Variants in TUBGCP3 observed in about 807,000 individuals in gnomAD.
TUBGCP3 encodes tubulin gamma complex component 3.
Under a neutral mutation model 123.1 loss-of-function variants are expected in TUBGCP3, and 50 were observed. That is an observed-to-expected ratio of 0.41 (90% CI 0.32 to 0.51). TUBGCP3 has a LOEUF of 0.51. Ranked by LOEUF, TUBGCP3 falls within the 20% of genes least tolerant of loss-of-function variation. The pLI is 0.36. For synonymous variants in TUBGCP3, 405 were observed against 413.9 expected (o/e 0.98, Z 0.26); for missense variants, 882 against 1,127.0 (o/e 0.78, Z 3.11).
chr13:112,522,939 T>C (rs899767342), intron 13 of TUBGCP3, among the ~76,000 whole-genome samples: 3 of 152,200 alleles, frequency 2.0e-5, no homozygotes, highest in Non-Finnish European at 4.4e-5. Flanking sequence ...AGTAGTAGTA[T>C]CATGCACCAT....
intron 1 of TUBGCP3, among the ~76,000 whole-genome samples, chr13:112,584,989 A>G (rs1249027341): frequency 1.3e-5 from 2 of 152,198 alleles, no homozygotes; most frequent in Non-Finnish European, 2.9e-5. Flanking sequence ...CTAACTTTGT[A>G]AAACTGTCAA....
rs781374979 is a variant in TUBGCP3, at chr13:112,556,056, C to T, written c.717G>A (p.Thr239=). ...TTAACATAGATCCTTACTCACCACC[C>T]GTATCCCCTTCTCTCCTGGACCTTG... The part of the protein sequence containing the change: ...NMTRSRREGD[T]GGTMEITEAA... Residue 239 remains threonine, a synonymous_variant, in exon 6 of 22, where the codon ACG becomes ACA. Coordinates refer to ENST00000261965, the MANE Select transcript of TUBGCP3 (RefSeq NM_006322.6). The T allele has an allele frequency of 2.8e-5, 45 of 1,612,734 alleles. No individual in the cohort carries two copies. Among genetic ancestry groups the T allele is most frequent in the African/African-American group, 4.0e-5 (3 of 74,890 alleles).
At position 112,565,177 on chromosome 13, in the gene TUBGCP3, A is replaced by G; in HGVS notation, c.186T>C (p.Leu62=). Residue 62 remains leucine, a splice_region_variant and synonymous_variant, in exon 3 of 22, where the codon CTT becomes CTC. Coordinates refer to ENST00000261965, the MANE Select transcript of TUBGCP3 (RefSeq NM_006322.6). ...FLVAEKIKKE[L]IRQRREADAA... Reference sequence around the variant, plus strand: ...CATCTGCTTCTCTTCGTTGTCGAATAACTGAAAAGACAGAAAAAAAATAAG... The same window carrying G: ...CATCTGCTTCTCTTCGTTGTCGAATGACTGAAAAGACAGAAAAAAAATAAG... 1 of 1,612,296 alleles carries G rather than the reference A, an allele frequency of 6.2e-7. No homozygotes were observed. Among genetic ancestry groups the G allele is most frequent in the South Asian group, 1.1e-5 (1 of 90,930 alleles).
Position 112,550,013 on chromosome 13 carries a change from A to T in TUBGCP3, c.967-1837T>A, listed in dbSNP as rs1879425670. 2.0e-5 allele frequency among the ~76,000 whole-genome samples: 3 copies of T among 147,090 alleles called. No homozygotes were observed. The South Asian group carries it at 6.4e-4, about 31-fold the overall frequency. On this transcript the variant is annotated intron_variant, in intron 8 of 21. Transcript: ENST00000261965. Reference sequence around the variant, plus strand: ...TCAAAAAAAAAAAAAAAAAAAAAAAAAAATACTGAAAGGAGTCAGGTCAAA... The same window carrying T: ...TCAAAAAAAAAAAAAAAAAAAAAAATAAATACTGAAAGGAGTCAGGTCAAA...
the TUBGCP3 span, among the ~76,000 whole-genome samples, chr13:112,598,694 G>A: frequency 6.6e-6 from 1 of 151,996 alleles, no homozygotes; most frequent in African/African-American, 2.4e-5. Context: ...CCTGTAATCC[G>A]AGCACTTTGG....
chr13:112,549,338 G>C (rs1879352546), intron 8 of TUBGCP3, among the ~76,000 whole-genome samples: 2 of 151,288 alleles, frequency 1.3e-5, no homozygotes, highest in Non-Finnish European at 2.9e-5. Flanking sequence ...CTGTTGTGGG[G>C]TGGGGGGAGC....
At chr13:112,557,878 G>A (rs917804612) in intron 5 of TUBGCP3, among the ~76,000 whole-genome samples, 3 of 152,260 alleles carry the variant, frequency 2.0e-5, no homozygotes, top group African/African-American at 7.2e-5. Context: ...GGAAAAATCT[G>A]AGCACACAGT....
chr13:112,514,537 A>C (rs1875915153), intron 17 of TUBGCP3, among the ~76,000 whole-genome samples: 1 of 152,196 alleles, frequency 6.6e-6, no homozygotes, highest in Non-Finnish European at 1.5e-5. Context: ...ATAACATTTA[A>C]AAAGCATAAA....
intron 17 of TUBGCP3, among the ~76,000 whole-genome samples, chr13:112,510,627 G>A (rs1055499897): frequency 2.0e-5 from 3 of 152,184 alleles, no homozygotes; most frequent in East Asian, 3.9e-4. Context: ...GGCAGGTGCT[G>A]TTCCAAGTAC....
chr13:112,562,965 C>G (rs900980503), intron 3 of TUBGCP3, among the ~76,000 whole-genome samples: 4 of 152,228 alleles, frequency 2.6e-5, no homozygotes, highest in Non-Finnish European at 5.9e-5. Context: ...CATGCCGCCA[C>G]AGCACCTGCA....
At chr13:112,516,136 GACAAA>G (rs1329333070) in intron 17 of TUBGCP3, among the ~76,000 whole-genome samples, 1 of 152,042 alleles carries the variant, frequency 6.6e-6, no homozygotes, top group African/African-American at 2.4e-5. Flanking sequence ...CTGGTTTATG[GACAAA>G]ACAAAACATT....
At chr13:112,536,600 G>T (rs965372467) in intron 11 of TUBGCP3, among the ~76,000 whole-genome samples, 1 of 152,072 alleles carries the variant, frequency 6.6e-6, no homozygotes, top group Non-Finnish European at 1.5e-5. Flanking sequence ...ATTATTCATT[G>T]AAAGTATATG....
At chr13:112,602,776 G>A in the TUBGCP3 span, 84 of 152,294 alleles carry the variant, frequency 5.5e-4, no homozygotes, top group African/African-American at 1.7e-3. Flanking sequence ...ATTTACAGAT[G>A]AGTCTGTATA....
chr13:112,558,909 G>A (rs1880273711), intron 4 of TUBGCP3, among the ~76,000 whole-genome samples: 1 of 152,174 alleles, frequency 6.6e-6, no homozygotes, highest in Non-Finnish European at 1.5e-5. Context: ...ACATACTGCA[G>A]GGGACAGACA....
chr13:112,534,658 G>A (rs1028815524), intron 11 of TUBGCP3, among the ~76,000 whole-genome samples: 8 of 152,012 alleles, frequency 5.3e-5, no homozygotes, highest in African/African-American at 1.7e-4. Context: ...ACGCCATGGT[G>A]AACAGGAGCA....
chr13:112,530,885 A>G (rs73566366), intron 11 of TUBGCP3, among the ~76,000 whole-genome samples: 23,777 of 152,204 alleles, frequency 0.16, 2,674 homozygotes, highest in African/African-American at 0.32. Context: ...TTTTAACTTT[A>G]TCCTCTGTAT....
In TUBGCP3 at chr13:112,588,078, C is replaced by G. The variant is rs2139352806; in HGVS notation, c.-98G>C. On this transcript the variant is annotated 5_prime_UTR_variant, in exon 1 of 22. Coordinates refer to ENST00000261965, the MANE Select transcript of TUBGCP3 (RefSeq NM_006322.6). ...GCGCCCTTCCTGCGCCCCGCAAGCTCCCTGCTCCTGACAGGCTAAGGCGCG... is the reference window on the plus strand; with the variant it reads ...GCGCCCTTCCTGCGCCCCGCAAGCTGCCTGCTCCTGACAGGCTAAGGCGCG... 1 of 1,092,458 alleles carries G rather than the reference C, an allele frequency of 9.2e-7. No homozygotes were observed. Among genetic ancestry groups the G allele is most frequent in the Admixed American group, 4.1e-5 (1 of 24,412 alleles). The allele number at this position is 1,092,458 out of a possible 1,614,324, so 67.7% of individuals were successfully genotyped here. A position where few individuals can be genotyped will look rare whatever the true frequency, so the allele number is the denominator to read the frequency against.
At chr13:112,544,262 G>T (rs1398517686) in intron 11 of TUBGCP3, among the ~76,000 whole-genome samples, 1 of 151,922 alleles carries the variant, frequency 6.6e-6, no homozygotes, top group Non-Finnish European at 1.5e-5. Context: ...GACCATCCTG[G>T]CTAACACAGT....
At chr13:112,564,980 T>C (rs1880842639) in intron 3 of TUBGCP3, 131 bp downstream of exon 3, 3 of 689,606 alleles carry the variant, frequency 4.4e-6, no homozygotes, top group Non-Finnish European at 6.8e-6. Flanking sequence ...GCAAATGCTA[T>C]CTATAATTAA....
Sources: allele counts gnomAD v4.1 joint callset (sites outside exome capture counted in the v4.1 genomes callset), GRCh38; gene constraint gnomAD v4.1.1; transcripts MANE v1.5; gene names NCBI Gene and HGNC (gene_info 2026-07-23, HGNC 2026-07-21).